Variants in CELSR1 observed in about 807,000 individuals in gnomAD.
CELSR1 encodes the protein cadherin EGF LAG seven-pass G-type receptor 1.
Under a neutral mutation model 249.1 loss-of-function variants are expected in CELSR1, and 110 were observed. The observed-to-expected ratio is 0.44, with a 90% CI of 0.38 to 0.52. The LOEUF (loss-of-function observed/expected upper bound fraction) is 0.52. CELSR1 is among the 20% of genes least tolerant of loss of function. CELSR1 has a pLI of 0.00. For synonymous variants in CELSR1, 2,113 were observed against 1,900.0 expected, an observed-to-expected ratio of 1.11 and a Z score of -2.92; for missense variants, 4,109 against 4,296.4, an observed-to-expected ratio of 0.96 and a Z score of 1.22.
At chr22:46,495,135 G>C (rs975031625) in intron 1 of CELSR1, among the ~76,000 whole-genome samples, 7 of 152,058 alleles carry the variant, frequency 4.6e-5, no homozygotes, top group Admixed American at 2.6e-4. Flanking sequence ...AGACCCAGCT[G>C]GTACAGCCTA....
At chr22:46,513,458 G>T (rs4823838) in intron 1 of CELSR1, among the ~76,000 whole-genome samples, 103,584 of 151,976 alleles carry the variant, frequency 0.68, 35,733 homozygotes, top group East Asian at 0.91. Context: ...ACACTAAAAG[G>T]GAGGCAATCC....
chr22:46,537,045 G>C lies in CELSR1; in HGVS notation c.126C>G (p.Phe42Leu). Reference sequence around the variant, plus strand: ...CGTAGGTACAGCCGGGCCGGAGGGCGAAGGCGCGGGTCCCGCCGGGTACGC... The same window carrying C: ...CGTAGGTACAGCCGGGCCGGAGGGCCAAGGCGCGGGTCCCGCCGGGTACGC... ...EPRVPGGTRA[F>L]ALRPGCTYAV... Residue 42 changes from phenylalanine to leucine, a missense_variant, in exon 1 of 35, where the codon TTC becomes TTG. Phe to Leu is a conservative substitution (Grantham distance 22). Transcript: ENST00000674500. The surrounding 1 kb of genome is among the most constrained non-coding windows in gnomAD (Gnocchi z 5.8). The C allele has an allele frequency of 9.2e-7, 1 of 1,091,804 alleles. No homozygotes were observed. Among genetic ancestry groups the C allele is most frequent in the Non-Finnish European group, 1.1e-6 (1 of 899,216 alleles). The allele number at this position is 1,091,804 out of a possible 1,614,324, so 67.6% of individuals were successfully genotyped here. A position where few individuals can be genotyped will look rare whatever the true frequency, so the allele number is the denominator to read the frequency against.
intron 5 of CELSR1, among the ~76,000 whole-genome samples, chr22:46,416,318 G>A (rs1048408412): frequency 4.6e-5 from 7 of 152,326 alleles, no homozygotes; most frequent in African/African-American, 1.4e-4. Flanking sequence ...CCAGCGCCCC[G>A]GCACCTGCCC....
intron 1 of CELSR1, among the ~76,000 whole-genome samples, chr22:46,478,755 T>G (rs1027796974): frequency 6.6e-6 from 1 of 150,850 alleles, no homozygotes; most frequent in African/African-American, 2.4e-5. Flanking sequence ...GGTTTCACCA[T>G]GTTAGCCAGG....
At chr22:46,366,214 GGA>G (rs2078777687) in intron 30 of CELSR1, among the ~76,000 whole-genome samples, 170 bp downstream of exon 30, 1 of 88,044 alleles carries the variant, frequency 1.1e-5, no homozygotes, top group Non-Finnish European at 2.1e-5. Context: ...TGCGAGGCGG[GGA>G]GGGAAGGTGC....
At chr22:46,392,207 G>C (rs555421862) in intron 14 of CELSR1, among the ~76,000 whole-genome samples, 2 of 152,364 alleles carry the variant, frequency 1.3e-5, no homozygotes, top group African/African-American at 4.8e-5. Flanking sequence ...CATTGGGTGG[G>C]TCAGGGTGAC....
rs868189994 is a variant in CELSR1, at chr22:46,381,525, T to C, written c.7088+321A>G. ...CAGCAGGCACTACCCATGACAGCCTTGGGCCAGGTGTGTGGGGACAGAATG... is the reference window on the plus strand; with the variant it reads ...CAGCAGGCACTACCCATGACAGCCTCGGGCCAGGTGTGTGGGGACAGAATG... On this transcript the variant is annotated intron_variant, in intron 21 of 34. Coordinates refer to ENST00000674500, the MANE Select transcript of CELSR1 (RefSeq NM_001378328.1). This position sits in a 1 kb window ranked among gnomAD's most constrained non-coding sequence, Gnocchi z 6.0. Among the ~76,000 whole-genome samples the C allele has an allele frequency of 5.9e-5, 9 of 152,158 alleles. No homozygotes were observed. The highest frequency in any genetic ancestry group is 2.1e-4 in the South Asian group (1 of 4,830).
rs773868178 is a variant in CELSR1, at chr22:46,439,450, G to A, written c.4184-39C>T. 282 of 1,544,238 alleles carry A rather than the reference G, an allele frequency of 1.8e-4. 1 individual carries two copies. The highest frequency in any genetic ancestry group is 2.3e-4 in the Middle Eastern group (1 of 4,380). On this transcript the variant is annotated intron_variant, in intron 2 of 34. Transcript: ENST00000674500. The stretch of plus-strand genomic sequence containing the variant: ...GGAAGATGCCAGAGAGGAGGTTACC[G>A]ACCAGCCAGGGAAAAGCCAACGAGC...
rs1239523393 is a variant in CELSR1, at chr22:46,439,193, G to A, written c.4402C>T (p.Leu1468Phe). 3 of 1,612,766 alleles carry A rather than the reference G, an allele frequency of 1.9e-6. No homozygotes were observed. The highest frequency in any genetic ancestry group is 1.7e-5 in the Admixed American group (1 of 59,960). The change falls in exon 3 of 35, where the codon CTC (leucine) becomes TTC (phenylalanine). Residue 1468 changes from leucine to phenylalanine, a missense_variant. By Grantham distance (22) the Leu-to-Phe change is conservative. Coordinates refer to ENST00000674500, the MANE Select transcript of CELSR1 (RefSeq NM_001378328.1). ...CGCGGCGGGACGCACACTCACGTGA[G>A]GGAGATGGTGAAGTGGAAGCGCTGT... The part of the protein sequence containing the change: ...LRQRFHFTIS[L>F]TFATQERNGL...
chr22:46,383,595 C>T (rs531446765), intron 20 of CELSR1, among the ~76,000 whole-genome samples: 1 of 152,330 alleles, frequency 6.6e-6, no homozygotes, highest in Non-Finnish European at 1.5e-5. Flanking sequence ...GGCACGATCA[C>T]AGCTCACTGC....
intron 13 of CELSR1, 45 bp from the exon 14 acceptor site, chr22:46,394,307 G>A (rs1426639661): frequency 6.3e-7 from 1 of 1,585,170 alleles, no homozygotes; most frequent in African/African-American, 1.3e-5. Flanking sequence ...ATGTAACTGT[G>A]CTTTCTGGAA....
chr22:46,432,507 G>A (rs2079607811), intron 5 of CELSR1, among the ~76,000 whole-genome samples: 1 of 152,238 alleles, frequency 6.6e-6, no homozygotes, highest in Non-Finnish European at 1.5e-5. Flanking sequence ...GCAGACCCAC[G>A]AGCAAGCGGG....
In CELSR1 at chr22:46,434,265, T is replaced by C. The variant is rs9627455; in HGVS notation, c.4523-784A>G. 0.026 allele frequency among the ~76,000 whole-genome samples: 3,928 copies of C among 152,332 alleles called. 142 individuals carry two copies. The highest frequency in any genetic ancestry group is 0.083 in the African/African-American group (3,448 of 41,568). ...TGGGGTGTCTGTCATTTCCACCCCT[T>C]GAGCTCCTGCTGGAGTGGGGCGGGC... On this transcript the variant is annotated intron_variant, in intron 4 of 34. Transcript: ENST00000674500. This position sits in a 1 kb window ranked among gnomAD's most constrained non-coding sequence, Gnocchi z 4.9.
rs758304665 is a variant in CELSR1 at position 46,364,712 on chromosome 22, G to A, written c.8579C>T (p.Pro2860Leu). The change falls in exon 33 of 35, where the codon CCG becomes CTG. Residue 2860 changes from proline (P) to leucine (L), a missense_variant. Transcript: ENST00000674500. ...CAGGCTCTGGTCGGGCCAGCCGGCC[G>A]GAACGTGGTTGGCCACAGCGTCCCC... ...PKGDAVANHVPAGWPDQSLAE... is the reference protein window; with the variant it reads ...PKGDAVANHVLAGWPDQSLAE... The A allele has an allele frequency of 1.8e-5, 29 of 1,612,220 alleles. No individual in the cohort carries two copies. Among genetic ancestry groups the A allele is most frequent in the East Asian group, 6.7e-5 (3 of 44,882 alleles).
chr22:46,535,067 C>T lies in CELSR1; in HGVS notation c.2104G>A (p.Val702Met), dbSNP rs923540505. Residue 702 changes from valine (V) to methionine (M), a missense_variant, in exon 1 of 35, where the codon GTG becomes ATG. Transcript: ENST00000674500. ...YELRLNEDAAVGSSVLTLQAR... is the reference protein window; with the variant it reads ...YELRLNEDAAMGSSVLTLQAR... ...TGCAGGGTCAGCACGCTGCTCCCCA[C>T]GGCCGCATCCTCATTCAGACGAAGC... is the stretch of plus-strand genomic sequence containing the variant. 1.1e-5 allele frequency: 17 copies of T among 1,612,494 alleles called. No homozygotes were observed. The highest frequency in any genetic ancestry group is 2.2e-5 in the East Asian group (1 of 44,876).
At position 46,487,783 on chromosome 22, in the gene CELSR1, C is replaced by T. The variant is rs138307331; in HGVS notation, c.3545-23438G>A. On this transcript the variant is annotated intron_variant, in intron 1 of 34. Transcript: ENST00000674500. ...GTGGGAGGTATTGGGGAGGGGAGTC[C>T]AGGATACTGACGGAAGTAGAGGGAA... is the stretch of plus-strand genomic sequence containing the variant. Among the ~76,000 whole-genome samples the T allele has an allele frequency of 3.6e-3, 452 of 127,280 alleles. 7 individuals are homozygous for T. The highest frequency in any genetic ancestry group is 0.013 in the African/African-American group (427 of 32,154). 83.5% of individuals were successfully genotyped at this position (127,280 alleles called of 152,430 possible).
chr22:46,372,954 A>G lies in CELSR1; in HGVS notation c.7688T>C (p.Val2563Ala), dbSNP rs2078871888. 6.2e-7 allele frequency: 1 copy of G among 1,613,128 alleles called. No homozygotes were observed. Among genetic ancestry groups the G allele is most frequent in the Admixed American group, 1.7e-5 (1 of 59,962 alleles). ...CATGGGCCCCGTGTCGATGTTGCGC[A>G]CCTCGGTCAGCATGCGGTAGACATG... ...SLHVYRMLTEVRNIDTGPMRF... is the reference protein window; with the variant it reads ...SLHVYRMLTEARNIDTGPMRF... The change falls in exon 25 of 35, where the codon GTG becomes GCG. Residue 2563 changes from valine (V) to alanine (A), a missense_variant. Val to Ala is a moderately conservative substitution (Grantham distance 64). Coordinates refer to ENST00000674500, the MANE Select transcript of CELSR1 (RefSeq NM_001378328.1).
intron 2 of CELSR1, among the ~76,000 whole-genome samples, chr22:46,442,418 C>A (rs190599151): frequency 6.6e-6 from 1 of 152,196 alleles, no homozygotes; most frequent in Non-Finnish European, 1.5e-5. Flanking sequence ...CTCTGCAGCA[C>A]GCTGTGGGGT....
chr22:46,460,547 T>G, intron 2 of CELSR1, among the ~76,000 whole-genome samples: 1 of 152,118 alleles, frequency 6.6e-6, no homozygotes, highest in Non-Finnish European at 1.5e-5. Context: ...GCCTGAGCAA[T>G]TTAACAACAA....
Sources: gnomAD v4.1 joint callset for allele counts (sites outside exome capture counted in the v4.1 genomes callset) on GRCh38, gnomAD v4.1.1 for gene constraint, Gnocchi (gnomAD v3.1) non-coding constraint, MANE v1.5 for transcripts, NCBI Gene and HGNC (gene_info 2026-07-23, HGNC 2026-07-21) for gene names.